Variants in RBFOX1 observed in about 807,000 individuals in gnomAD.
The protein encoded by RBFOX1 is RNA binding protein fox-1 homolog 1.
RBFOX1 carries 8 observed loss-of-function variants against 57.7 expected under a neutral mutation model. The ratio of observed to expected loss-of-function variants is 0.14; its 90% CI spans 0.08 to 0.25. The LOEUF (loss-of-function observed/expected upper bound fraction) is 0.25. Ranked by LOEUF, RBFOX1 falls within the 10% of genes least tolerant of loss-of-function variation. The pLI, the probability that RBFOX1 is intolerant of heterozygous loss-of-function variation, is 1.00. For missense variants in RBFOX1, 611 were observed against 548.5 expected, an observed-to-expected ratio of 1.11 and a Z score of -1.14; for synonymous variants, 326 against 222.4, an observed-to-expected ratio of 1.47 and a Z score of -4.15.
At chr16:6,366,702 A>G (rs1192609000) in intron 2 of RBFOX1, among the ~76,000 whole-genome samples, 1 of 152,238 alleles carries the variant, frequency 6.6e-6, no homozygotes, top group Non-Finnish European at 1.5e-5. Context: ...AGTAGATGCT[A>G]GTATTATCCC....
chr16:5,770,284 A>C (rs1228579577), intron 3 of RBFOX1, among the ~76,000 whole-genome samples: 3 of 152,202 alleles, frequency 2.0e-5, no homozygotes, highest in Non-Finnish European at 2.9e-5. Context: ...TACAACCAAG[A>C]TGGTGATGAA....
At chr16:7,210,211 C>T (rs764290428) in intron 4 of RBFOX1, among the ~76,000 whole-genome samples, 1 of 152,126 alleles carries the variant, frequency 6.6e-6, no homozygotes, top group Admixed American at 6.5e-5. Flanking sequence ...CAATAGGATA[C>T]TTCTATAGGT....
chr16:7,105,029 T>C (rs542297972), intron 4 of RBFOX1, among the ~76,000 whole-genome samples: 1 of 152,066 alleles, frequency 6.6e-6, no homozygotes, highest in African/African-American at 2.4e-5. Context: ...GAAAAGCCCT[T>C]CTTGGCACCT....
At chr16:6,968,116 G>C (rs963422223) in intron 3 of RBFOX1, among the ~76,000 whole-genome samples, 1 of 152,092 alleles carries the variant, frequency 6.6e-6, no homozygotes, top group Admixed American at 6.6e-5. Flanking sequence ...CTCTGAACTT[G>C]CAACCCCGCA....
At chr16:6,574,499 G>A (rs1394640462) in intron 2 of RBFOX1, among the ~76,000 whole-genome samples, 75 of 134,012 alleles carry the variant, frequency 5.6e-4, no homozygotes, top group African/African-American at 1.9e-3. Flanking sequence ...CGCGATCTCC[G>A]CTCACTGCAA....
At chr16:6,378,519 C>G (rs945328667) in intron 2 of RBFOX1, among the ~76,000 whole-genome samples, 11 of 152,216 alleles carry the variant, frequency 7.2e-5, no homozygotes, top group African/African-American at 9.6e-5. Flanking sequence ...AGAGCACACA[C>G]AGCCATCTCC....
At chr16:6,543,559 C>T (rs1051741266) in intron 2 of RBFOX1, among the ~76,000 whole-genome samples, 1 of 152,056 alleles carries the variant, frequency 6.6e-6, no homozygotes, top group African/African-American at 2.4e-5. Context: ...TACTGTGGCT[C>T]CAAGAAGGCC....
intron 3 of RBFOX1, among the ~76,000 whole-genome samples, chr16:7,011,112 G>C (rs2093633472): frequency 1.3e-5 from 2 of 151,476 alleles, no homozygotes; most frequent in South Asian, 2.1e-4. Context: ...TGAAAGAAGA[G>C]AGGCCATCAG....
At chr16:6,856,772 A>G (rs910771690) in intron 3 of RBFOX1, among the ~76,000 whole-genome samples, 5 of 152,180 alleles carry the variant, frequency 3.3e-5, no homozygotes, top group Admixed American at 2.6e-4. Context: ...ACCGCCACTC[A>G]AGCACTAAGG....
chr16:7,359,778 A>T (rs2097285510), intron 4 of RBFOX1, among the ~76,000 whole-genome samples: 1 of 152,106 alleles, frequency 6.6e-6, no homozygotes, highest in South Asian at 2.1e-4. Context: ...AGTTCAGGAG[A>T]TCGAGACCAT....
intron 3 of RBFOX1, among the ~76,000 whole-genome samples, chr16:5,608,340 A>G (rs2047660720): frequency 6.6e-6 from 1 of 152,178 alleles, no homozygotes; most frequent in Non-Finnish European, 1.5e-5. Context: ...GAGCAGTCAT[A>G]GCATACCATG....
intron 4 of RBFOX1, among the ~76,000 whole-genome samples, chr16:7,131,891 G>A (rs2070522189): frequency 6.6e-6 from 1 of 152,054 alleles, no homozygotes; most frequent in South Asian, 2.1e-4. Context: ...TCTAGGGGGT[G>A]AGAGGCTTCC....
At chr16:5,757,117 C>G (rs892854632) in intron 3 of RBFOX1, among the ~76,000 whole-genome samples, 13 of 152,090 alleles carry the variant, frequency 8.5e-5, no homozygotes, top group African/African-American at 2.7e-4. Flanking sequence ...GACTGAGACT[C>G]TGCCATCATT....
chr16:7,704,617 T>C (rs532948836), intron 14 of RBFOX1, among the ~76,000 whole-genome samples: 2 of 152,240 alleles, frequency 1.3e-5, no homozygotes, highest in South Asian at 4.1e-4. Context: ...GCAGACAAAA[T>C]AGACACTGCC....
intron 2 of RBFOX1, among the ~76,000 whole-genome samples, chr16:5,501,977 C>T (rs931503191): frequency 6.6e-6 from 1 of 151,986 alleles, no homozygotes; most frequent in African/African-American, 2.4e-5. Context: ...CCCACCTTGG[C>T]CTCCCAAAGT....
intron 2 of RBFOX1, among the ~76,000 whole-genome samples, chr16:6,450,994 G>T (rs1298124738): frequency 6.8e-6 from 1 of 147,812 alleles, no homozygotes; most frequent in South Asian, 2.2e-4. Flanking sequence ...AAGACAATAG[G>T]GATTAGTGGG....
intron 2 of RBFOX1, among the ~76,000 whole-genome samples, chr16:6,598,791 C>A (rs993085972): frequency 1.3e-5 from 2 of 151,954 alleles, no homozygotes; most frequent in Non-Finnish European, 2.9e-5. Context: ...ACTAAAAATA[C>A]AAAAATTAGC....
intron 3 of RBFOX1, among the ~76,000 whole-genome samples, chr16:6,811,461 G>T (rs373293741): frequency 2.0e-5 from 3 of 152,184 alleles, no homozygotes; most frequent in East Asian, 3.9e-4. Flanking sequence ...TATGAATATT[G>T]TAAAATTCCT....
chr16:6,102,773 C>T (rs4786817), intron 1 of RBFOX1, among the ~76,000 whole-genome samples: 21,936 of 152,098 alleles, frequency 0.14, 1,811 homozygotes, highest in Admixed American at 0.24. Context: ...AACTGTGTCT[C>T]GTGATTTTCA....
Sources: allele counts gnomAD v4.1 joint callset (sites outside exome capture counted in the v4.1 genomes callset), GRCh38; gene constraint gnomAD v4.1.1; transcripts MANE v1.5; gene names NCBI Gene and HGNC (gene_info 2026-07-23, HGNC 2026-07-21).